Variants in SHANK1 observed in about 807,000 individuals in gnomAD.
The protein encoded by SHANK1 is SH3 and multiple ankyrin repeat domains protein 1.
In SHANK1, 35 loss-of-function variants were observed where a neutral mutation model predicts 165.6. The observed-to-expected ratio is 0.21, with a 90% CI of 0.16 to 0.28. SHANK1 has a LOEUF of 0.28. Ranked by LOEUF, SHANK1 falls within the 10% of genes least tolerant of loss-of-function variation. SHANK1 has a pLI of 1.00. For synonymous variants in SHANK1, 1,428 were observed against 1,384.8 expected (o/e 1.03, Z -0.69); for missense variants, 2,681 against 3,036.4 (o/e 0.88, Z 2.75).
At chr19:50,706,409 T>C (rs2088939151) in intron 8 of SHANK1, among the ~76,000 whole-genome samples, 1 of 152,086 alleles carries the variant, frequency 6.6e-6, no homozygotes, top group African/African-American at 2.4e-5. Context: ...TCATCACTTT[T>C]TGGGCTAAGC....
chr19:50,687,062 A>T, intron 19 of SHANK1: 1 of 1,436,706 alleles, frequency 7.0e-7, no homozygotes, highest in Non-Finnish European at 9.1e-7. Context: ...GAGAGGCAGT[A>T]GAGGAGCCAA....
chr19:50,667,376 G>C lies in SHANK1; in HGVS notation c.4584C>G (p.Pro1528=). The C allele has an allele frequency of 2.6e-6, 4 of 1,533,236 alleles. No homozygotes were observed. The highest frequency in any genetic ancestry group is 2.6e-6 in the Non-Finnish European group (3 of 1,143,790). 95.0% of individuals were successfully genotyped at this position (1,533,236 alleles called of 1,614,324 possible). The part of the protein sequence containing the change: ...VPPPSPRRSV[P]PSPTSPRASE... ...TGGCCCTCGGGGAGGTCGGGGAGGG[G>C]GGCACGGACCGGCGTGGGCTGGGCG... is the stretch of plus-strand genomic sequence containing the variant. Residue 1528 remains proline (P), a synonymous_variant, in exon 23 of 24, where the codon CCC becomes CCG. Transcript: ENST00000293441. This position sits in a 1 kb window ranked among gnomAD's most constrained non-coding sequence, Gnocchi z 5.7.
chr19:50,698,924 T>C (rs911885913), intron 12 of SHANK1, among the ~76,000 whole-genome samples: 5 of 152,270 alleles, frequency 3.3e-5, no homozygotes, highest in Non-Finnish European at 5.9e-5. Flanking sequence ...GCCCTTCACA[T>C]AGTTTCCTTC....
chr19:50,686,786 G>C lies in SHANK1; in HGVS notation c.2416C>G (p.Pro806Ala). The C allele has an allele frequency of 6.2e-7, 1 of 1,613,780 alleles. No homozygotes were observed. Among genetic ancestry groups the C allele is most frequent in the Non-Finnish European group, 8.5e-7 (1 of 1,179,804 alleles). Residue 806 changes from proline to alanine, a missense_variant, in exon 20 of 24, where the codon CCC (proline) becomes GCC (alanine). Pro to Ala is a conservative substitution (Grantham distance 27, BLOSUM62 -1). Transcript: ENST00000293441. This position sits in a 1 kb window ranked among gnomAD's most constrained non-coding sequence, Gnocchi z 5.7. The part of the protein sequence containing the change: ...MEYEQQPAPV[P>A]SMEKKRTVYQ... Reference sequence around the variant, plus strand: ...ACGGTCCGCTTTTTCTCCATGCTGGGCACCGGCGCCGGCTGCTGCTCGTAC... The same window carrying C: ...ACGGTCCGCTTTTTCTCCATGCTGGCCACCGGCGCCGGCTGCTGCTCGTAC...
Position 50,674,030 on chromosome 19 carries a change from C to T in SHANK1, c.2578-1916G>A, listed in dbSNP as rs573654539. On this transcript the variant is annotated intron_variant, in intron 21 of 23. Transcript: ENST00000293441. Reference sequence around the variant, plus strand: ...CTCATCTCAAATTCCTGGGCTCCAGCGATCCTCCCACTTTGGCCTCCCCAA... The same window carrying T: ...CTCATCTCAAATTCCTGGGCTCCAGTGATCCTCCCACTTTGGCCTCCCCAA... 2.6e-5 allele frequency among the ~76,000 whole-genome samples: 4 copies of T among 151,588 alleles called. 1 individual carries two copies. The South Asian group carries it at 8.4e-4, about 32-fold the overall frequency.
At position 50,668,041 on chromosome 19, in the gene SHANK1, C is replaced by T; in HGVS notation, c.3919G>A (p.Gly1307Ser). 10 of 1,476,952 alleles carry T rather than the reference C, an allele frequency of 6.8e-6. No homozygotes were observed. The highest frequency in any genetic ancestry group is 8.9e-6 in the Non-Finnish European group (10 of 1,119,304). The allele number at this position is 1,476,952 out of a possible 1,614,324, so 91.5% of individuals were successfully genotyped here. ...PYLRLESAGS[G>S]AGYGGYGAGS... ...GCCCCGTAGCCGCCGTAGCCCGCGC[C>T]GCTGCCCGCAGACTCCAGTCGGAGG... is the stretch of plus-strand genomic sequence containing the variant. Residue 1307 changes from glycine to serine, a missense_variant, in exon 23 of 24, where the codon GGC (glycine) becomes AGC (serine). Gly to Ser is a moderately conservative substitution (Grantham distance 56, BLOSUM62 0). Around this residue, in one of 10 missense-constraint regions of SHANK1, gnomAD observed 1,713 missense variants for 1,630.2 expected, o/e 1.05. Coordinates refer to ENST00000293441, the MANE Select transcript of SHANK1 (RefSeq NM_016148.5).
intron 15 of SHANK1, among the ~76,000 whole-genome samples, chr19:50,693,235 C>T (rs950926546): frequency 1.7e-5 from 2 of 117,110 alleles, no homozygotes; most frequent in Non-Finnish European, 3.5e-5. Flanking sequence ...CCCCCACATT[C>T]CCTGAATTCC....
At position 50,667,481 on chromosome 19, in the gene SHANK1, C is replaced by T. The variant is rs966620298; in HGVS notation, c.4479G>A (p.Arg1493=). Residue 1493 remains arginine (R), a synonymous_variant, in exon 23 of 24, where the codon CGG becomes CGA. Coordinates refer to ENST00000293441, the MANE Select transcript of SHANK1 (RefSeq NM_016148.5). This position sits in a 1 kb window ranked among gnomAD's most constrained non-coding sequence, Gnocchi z 5.7. ...CCCGGGGCTGGCAGTTTTCAAGGAA[C>T]CGCACGTGCAGCGGCAGCCGCTCGG... is the stretch of plus-strand genomic sequence containing the variant. ...EEPERLPLHV[R]FLENCQPRAP... 3.1e-5 allele frequency: 48 copies of T among 1,531,482 alleles called. No individual in the cohort carries two copies. Among genetic ancestry groups the T allele is most frequent in the Non-Finnish European group, 4.1e-5 (47 of 1,149,750 alleles). 94.9% of individuals were successfully genotyped at this position (1,531,482 alleles called of 1,614,324 possible). A position where few individuals can be genotyped will look rare whatever the true frequency, so the allele number is the denominator to read the frequency against.
chr19:50,706,706 G>A (rs189644212), intron 8 of SHANK1, among the ~76,000 whole-genome samples: 2 of 151,468 alleles, frequency 1.3e-5, no homozygotes, highest in Non-Finnish European at 2.9e-5. Context: ...CTTCAGAGAG[G>A]TCTTCTCTGG....
chr19:50,679,086 G>A (rs192305197), intron 21 of SHANK1, among the ~76,000 whole-genome samples: 2,582 of 61,700 alleles, frequency 0.042, 168 homozygotes, highest in Non-Finnish European at 0.058. Flanking sequence ...AGGGGTCAGG[G>A]TGATGGGGAG....
chr19:50,703,690 C>T lies in SHANK1; in HGVS notation c.1363G>A (p.Gly455Arg). The change falls in exon 11 of 24, where the codon GGG becomes AGG. Residue 455 changes from glycine to arginine, a missense_variant. Coordinates refer to ENST00000293441, the MANE Select transcript of SHANK1 (RefSeq NM_016148.5). The stretch of plus-strand genomic sequence containing the variant: ...CCAGGGGCCCCAGAGGACGCGGCCC[C>T]CGGGGCGGAGAACACCATCCAGTCG... ...LPDWMVFSAP[G>R]AASSGAPGPT... is the part of the protein sequence containing the mutation. 1.4e-6 allele frequency: 2 copies of T among 1,467,430 alleles called. No individual in the cohort carries two copies. The highest frequency in any genetic ancestry group is 1.8e-6 in the Non-Finnish European group (2 of 1,111,762). The allele number at this position is 1,467,430 out of a possible 1,614,324, so 90.9% of individuals were successfully genotyped here. A position where few individuals can be genotyped will look rare whatever the true frequency, so the allele number is the denominator to read the frequency against.
At chr19:50,715,770 T>C in intron 3 of SHANK1, 40 bp from the exon 4 acceptor site, 1 of 1,580,524 alleles carries the variant, frequency 6.3e-7, no homozygotes, top group African/African-American at 1.3e-5. Context: ...ACACAGAGAC[T>C]TGGAATCAGG....
intron 8 of SHANK1, among the ~76,000 whole-genome samples, chr19:50,709,768 C>G (rs1749980254): frequency 6.6e-6 from 1 of 152,128 alleles, no homozygotes; most frequent in Non-Finnish European, 1.5e-5. Flanking sequence ...CCAGGCTGGT[C>G]TCGAACTCCT....
Position 50,702,414 on chromosome 19 carries a change from C to T in SHANK1, c.1747+53G>A. On this transcript the variant is annotated intron_variant, in intron 12 of 23. Coordinates refer to ENST00000293441, the MANE Select transcript of SHANK1 (RefSeq NM_016148.5). The surrounding 1 kb of genome is among the most constrained non-coding windows in gnomAD (Gnocchi z 5.3). ...GTCTGCTCTCTGCTCCACATTTTCC[C>T]TGATCGCCCCCACAGCCCAGCCCAG... 6.6e-7 allele frequency: 1 copy of T among 1,508,806 alleles called. No individual in the cohort carries two copies. The highest frequency in any genetic ancestry group is 2.0e-5 in the Admixed American group (1 of 50,586). The allele number at this position is 1,508,806 out of a possible 1,614,324, so 93.5% of individuals were successfully genotyped here. A position where few individuals can be genotyped will look rare whatever the true frequency, so the allele number is the denominator to read the frequency against.
rs1599840619 is a variant in SHANK1, at chr19:50,667,813, G to C, written c.4147C>G (p.Pro1383Ala). 1 of 1,296,610 alleles carries C rather than the reference G, an allele frequency of 7.7e-7. No homozygotes were observed. The highest frequency in any genetic ancestry group is 3.2e-5 in the East Asian group (1 of 31,674). The allele number at this position is 1,296,610 out of a possible 1,614,324, so 80.3% of individuals were successfully genotyped here. A position where few individuals can be genotyped will look rare whatever the true frequency, so the allele number is the denominator to read the frequency against. The change falls in exon 23 of 24, where the codon CCC becomes GCC. Residue 1383 changes from proline to alanine, a missense_variant. Pro to Ala is a conservative substitution (Grantham distance 27). This residue lies in a region of SHANK1 where 1,713 missense variants were observed against 1,630.2 expected (regional missense o/e 1.05). Coordinates refer to ENST00000293441, the MANE Select transcript of SHANK1 (RefSeq NM_016148.5). The surrounding 1 kb of genome is among the most constrained non-coding windows in gnomAD (Gnocchi z 5.7). ...APQPPPRPPS[P>A]RYEAPPPTPH... Reference sequence around the variant, plus strand: ...GTGGGCGGCGGGGCCTCGTAGCGGGGCGATGGGGGCCTGGGAGGCGGCTGG... The same window carrying C: ...GTGGGCGGCGGGGCCTCGTAGCGGGCCGATGGGGGCCTGGGAGGCGGCTGG...
Position 50,697,539 on chromosome 19 carries a change from G to T in SHANK1, c.1937+50C>A. On this transcript the variant is annotated intron_variant, in intron 14 of 23. Transcript: ENST00000293441. The surrounding 1 kb of genome is among the most constrained non-coding windows in gnomAD (Gnocchi z 4.7). The stretch of plus-strand genomic sequence containing the variant: ...GGAAATATTTAAAGGTGTACATTGT[G>T]AAGGGAACTTGGGGTGAGGGGGGTT... 2.2e-6 allele frequency: 3 copies of T among 1,344,020 alleles called. No individual in the cohort carries two copies. The highest frequency in any genetic ancestry group is 3.2e-6 in the Non-Finnish European group (3 of 933,904). 83.3% of individuals were successfully genotyped at this position (1,344,020 alleles called of 1,614,324 possible).
At position 50,697,270 on chromosome 19, in the gene SHANK1, A is replaced by G. The variant is rs1048638570; in HGVS notation, c.1938-148T>C. ...TCCCACTGCACATGACTGCACAGAGATGGGGCACATGAAGGAGACAAGGGC... is the reference window on the plus strand; with the variant it reads ...TCCCACTGCACATGACTGCACAGAGGTGGGGCACATGAAGGAGACAAGGGC... On this transcript the variant is annotated intron_variant, in intron 14 of 23. Coordinates refer to ENST00000293441, the MANE Select transcript of SHANK1 (RefSeq NM_016148.5). This position sits in a 1 kb window ranked among gnomAD's most constrained non-coding sequence, Gnocchi z 4.7. 60 of 1,253,984 alleles carry G rather than the reference A, an allele frequency of 4.8e-5. No individual in the cohort carries two copies. The highest frequency in any genetic ancestry group is 1.1e-4 in the Admixed American group (6 of 56,234). The allele number at this position is 1,253,984 out of a possible 1,614,324, so 77.7% of individuals were successfully genotyped here.
In SHANK1 at chr19:50,713,381, T is replaced by C. The variant is rs2089031065; in HGVS notation, c.792+417A>G. On this transcript the variant is annotated intron_variant, in intron 6 of 23. Transcript: ENST00000293441. The surrounding 1 kb of genome is among the most constrained non-coding windows in gnomAD (Gnocchi z 6.2). The stretch of plus-strand genomic sequence containing the variant: ...GGAGGGAGGGGAGCTGGTGCAGTGC[T>C]GGTTTGGAAGGGTAGCTGGGGGGCT... Among the ~76,000 whole-genome samples, 1 of 150,440 alleles carries C rather than the reference T, an allele frequency of 6.6e-6. No individual in the cohort carries two copies. The highest frequency in any genetic ancestry group is 6.6e-5 in the Admixed American group (1 of 15,082).
In SHANK1 at chr19:50,702,631, G is replaced by T; in HGVS notation, c.1583C>A (p.Ala528Asp). ...GCCCCCTGAGCCCCCCGTGCCCCCG[G>T]CTGGCCCTTCCCGGGGTGTCCCGCT... ...SSSGTPREGP[A>D]GGTGGSGGPG... Residue 528 changes from alanine (A) to aspartate (D), a missense_variant, in exon 12 of 24, where the codon GCC becomes GAC. Ala to Asp is a moderately radical substitution (Grantham distance 126). Around this residue, in one of 10 missense-constraint regions of SHANK1, gnomAD observed 195 missense variants for 186.2 expected, o/e 1.05. Coordinates refer to ENST00000293441, the MANE Select transcript of SHANK1 (RefSeq NM_016148.5). The surrounding 1 kb of genome is among the most constrained non-coding windows in gnomAD (Gnocchi z 5.3). 6.3e-7 allele frequency: 1 copy of T among 1,582,192 alleles called. No homozygotes were observed. Among genetic ancestry groups the T allele is most frequent in the Non-Finnish European group, 8.6e-7 (1 of 1,165,290 alleles).
Sources: gnomAD v4.1 joint callset for allele counts (sites outside exome capture counted in the v4.1 genomes callset) on GRCh38, gnomAD v4.1.1 for gene constraint, gnomAD v4.1.1 regional missense constraint, Gnocchi (gnomAD v3.1) non-coding constraint, MANE v1.5 for transcripts, NCBI Gene and HGNC (gene_info 2026-07-23, HGNC 2026-07-21) for gene names.